The following ADAM10 variants were observed in gnomAD, a reference collection of about 807,000 sequenced individuals.
The protein encoded by ADAM10 is disintegrin and metalloproteinase domain-containing protein 10.
ADAM10 carries 17 observed loss-of-function variants against 90.1 expected under a neutral mutation model. The ratio of observed to expected loss-of-function variants is 0.19; its 90% CI spans 0.13 to 0.28. The LOEUF is 0.28. Ranked by LOEUF, ADAM10 falls within the 10% of genes least tolerant of loss-of-function variation. The probability of loss-of-function intolerance (pLI) is 1.00; values close to 1 mark genes in which losing one functional copy is unlikely to be tolerated. For missense variants in ADAM10, 610 were observed against 914.3 expected (o/e 0.67, Z 4.29); for synonymous variants, 310 against 298.6 (o/e 1.04, Z -0.40).
chr15:58,647,248 A>ATTTGTTTT (rs1162350060), intron 5 of ADAM10, among the ~76,000 whole-genome samples: 1 of 59,602 alleles, frequency 1.7e-5, no homozygotes, highest in Non-Finnish European at 3.6e-5. Context: ...GACACTAAGT[A>ATTTGTTTT]TTTTTTTTTT....
chr15:58,616,872 G>A (rs145515963), intron 11 of ADAM10, among the ~76,000 whole-genome samples: 1 of 152,258 alleles, frequency 6.6e-6, no homozygotes, highest in African/African-American at 2.4e-5. Context: ...ACTTTGGGAG[G>A]CCGAGGCGGA....
chr15:58,688,099 T>C (rs1596069078), intron 2 of ADAM10, among the ~76,000 whole-genome samples: 1 of 152,174 alleles, frequency 6.6e-6, no homozygotes, highest in Admixed American at 6.5e-5. Context: ...TGTACCAATA[T>C]CAATCTTGGT....
intron 1 of ADAM10, among the ~76,000 whole-genome samples, chr15:58,738,495 A>G (rs1476020301): frequency 6.6e-6 from 1 of 152,244 alleles, no homozygotes; most frequent in East Asian, 1.9e-4. Flanking sequence ...ATCTTCTAGA[A>G]GCAAACAGCT....
intron 2 of ADAM10, 79 bp from the exon 3 acceptor site, chr15:58,682,393 A>T: frequency 6.5e-7 from 1 of 1,538,598 alleles, no homozygotes; most frequent in South Asian, 1.2e-5. Context: ...TATTTTAAAA[A>T]GTCTACAAAA....
chr15:58,669,767 C>T (rs1375541531), intron 4 of ADAM10, among the ~76,000 whole-genome samples: 1 of 152,112 alleles, frequency 6.6e-6, no homozygotes, highest in Non-Finnish European at 1.5e-5. Context: ...ATCATGGTAT[C>T]CACACAACAG....
chr15:58,597,966 G>A (rs1191285293), intron 15 of ADAM10, among the ~76,000 whole-genome samples: 1 of 151,878 alleles, frequency 6.6e-6, no homozygotes, highest in Non-Finnish European at 1.5e-5. Context: ...AATTAAAACA[G>A]CACATTTCAA....
Position 58,597,066 on chromosome 15 carries a change from A to G in ADAM10, c.*481T>C. The G allele has an allele frequency of 4.2e-6, 1 of 236,472 alleles. No homozygotes were observed. Among genetic ancestry groups the G allele is most frequent in the East Asian group, 1.1e-4 (1 of 9,380 alleles). The allele number at this position is 236,472 out of a possible 1,614,324, so 14.6% of individuals were successfully genotyped here. A position where few individuals can be genotyped will look rare whatever the true frequency, so the allele number is the denominator to read the frequency against. On this transcript the variant is annotated 3_prime_UTR_variant, in exon 16 of 16. Transcript: ENST00000260408. ...TCTGTTTACAATTGCACACAGAAGT[A>G]CAGTGTACGTAAGAAATACATGTCT... is the stretch of plus-strand genomic sequence containing the variant.
Position 58,682,390 on chromosome 15 carries a change from A to C in ADAM10, c.207-76T>G, listed in dbSNP as rs1410821385. ...TTTTAAACAATTATTTTTTATTTTA[A>C]AAAGTCTACAAAATGTGGACTGTTA... On this transcript the variant is annotated intron_variant, in intron 2 of 15. Coordinates refer to ENST00000260408, the MANE Select transcript of ADAM10 (RefSeq NM_001110.4). The C allele has an allele frequency of 8.5e-6, 13 of 1,534,466 alleles. No individual in the cohort carries two copies. In the Admixed American group the frequency reaches 2.4e-4, roughly 29 times the overall value.
chr15:58,658,576 G>A (rs1279586035), intron 5 of ADAM10, among the ~76,000 whole-genome samples: 3 of 152,022 alleles, frequency 2.0e-5, no homozygotes, highest in African/African-American at 7.2e-5. Flanking sequence ...TGAATCTGCA[G>A]AACAATTTGG....
intron 7 of ADAM10, among the ~76,000 whole-genome samples, chr15:58,643,467 T>C (rs1407107335): frequency 6.6e-6 from 1 of 152,240 alleles, no homozygotes; most frequent in Non-Finnish European, 1.5e-5. Flanking sequence ...ATTTAAACAC[T>C]GTATTTATCC....
intron 2 of ADAM10, among the ~76,000 whole-genome samples, chr15:58,712,327 CT>C (rs1253390365): frequency 6.6e-6 from 1 of 151,728 alleles, no homozygotes; most frequent in Non-Finnish European, 1.5e-5. Flanking sequence ...CCAAGGGAAC[CT>C]GGGCAACATG....
Position 58,638,121 on chromosome 15 carries a change from C to T in ADAM10, c.1012+2656G>A, listed in dbSNP as rs192305216. On this transcript the variant is annotated intron_variant, in intron 8 of 15. Transcript: ENST00000260408. ...TTCTTCTGTGCCTGCCTAGCCCCTC[C>T]CCAGCAGCTCTTAGAAGATGGCTTC... 2.5e-4 allele frequency among the ~76,000 whole-genome samples: 38 copies of T among 152,202 alleles called. No individual in the cohort carries two copies. In the East Asian group the frequency reaches 6.6e-3, roughly 26 times the overall value.
intron 11 of ADAM10, among the ~76,000 whole-genome samples, chr15:58,616,372 C>T (rs1231101387): frequency 1.3e-5 from 2 of 152,174 alleles, no homozygotes; most frequent in East Asian, 3.8e-4. Context: ...GGATAGACCA[C>T]ATATTAGGCT....
chr15:58,662,758 A>G (rs188045782), intron 5 of ADAM10, among the ~76,000 whole-genome samples: 64 of 152,312 alleles, frequency 4.2e-4, no homozygotes, highest in African/African-American at 7.0e-4. Flanking sequence ...CTTAGTATTC[A>G]GCTAAGACTC....
chr15:58,633,044 C>T (rs1290778257), intron 9 of ADAM10, 152 bp downstream of exon 9: 3 of 746,932 alleles, frequency 4.0e-6, no homozygotes, highest in Non-Finnish European at 6.5e-6. Context: ...ATCTTCCTCC[C>T]TTTCAGTATG....
chr15:58,747,921 T>G (rs1359580229), intron 1 of ADAM10: 1 of 152,182 alleles, frequency 6.6e-6, no homozygotes, highest in Non-Finnish European at 1.5e-5. Flanking sequence ...TATTACCTTA[T>G]AGAGAACAGT....
Position 58,681,249 on chromosome 15 carries a change from A to G in ADAM10, c.325+947T>C, listed in dbSNP as rs543670257. ...ATAATCAAGAAGACAATATAACACT[A>G]AAGTCTGACATTGAAAATCTACTGA... On this transcript the variant is annotated intron_variant, in intron 3 of 15. Coordinates refer to ENST00000260408, the MANE Select transcript of ADAM10 (RefSeq NM_001110.4). Among the ~76,000 whole-genome samples, 4 of 152,306 alleles carry G rather than the reference A, an allele frequency of 2.6e-5. No individual in the cohort carries two copies. In the East Asian group the frequency reaches 5.8e-4, roughly 22 times the overall value.
chr15:58,641,055 A>G (rs773419448), intron 7 of ADAM10, 95 bp from the exon 8 acceptor site: 29 of 1,185,266 alleles, frequency 2.4e-5, no homozygotes, highest in Non-Finnish European at 3.6e-5. Flanking sequence ...CCTGGACAAT[A>G]TGCTCCCATG....
intron 1 of ADAM10, among the ~76,000 whole-genome samples, chr15:58,733,783 T>A (rs1161938545): frequency 1.3e-5 from 2 of 151,940 alleles, no homozygotes; most frequent in East Asian, 1.9e-4. Flanking sequence ...CATCTATTTA[T>A]AATTTTATCT....
Sources: gnomAD v4.1 joint callset for allele counts (sites outside exome capture counted in the v4.1 genomes callset) on GRCh38, gnomAD v4.1.1 for gene constraint, MANE v1.5 for transcripts, NCBI Gene and HGNC (gene_info 2026-07-23, HGNC 2026-07-21) for gene names.